Variants in GLIS3 observed in about 807,000 individuals in gnomAD.
GLIS3 encodes zinc finger protein GLIS3.
GLIS3 carries 53 observed loss-of-function variants against 78.6 expected under a neutral mutation model. The observed-to-expected ratio is 0.67, with a 90% CI of 0.54 to 0.85. GLIS3 has a LOEUF of 0.85. GLIS3 is among the 40% of genes least tolerant of loss of function. The probability of loss-of-function intolerance (pLI) is 0.00; values close to 1 mark genes in which losing one functional copy is unlikely to be tolerated. For missense variants in GLIS3, 1,703 were observed against 1,231.1 expected (o/e 1.38, Z -5.74); for synonymous variants, 684 against 509.9 (o/e 1.34, Z -4.60).
intron 2 of GLIS3, among the ~76,000 whole-genome samples, chr9:4,270,920 T>C (rs1826449010): frequency 9.7e-6 from 1 of 103,196 alleles, no homozygotes; most frequent in African/African-American, 3.6e-5. Context: ...TGTGTGTGTG[T>C]GTGTGTGTGT....
rs115218165 is a variant in GLIS3, at chr9:4,054,299, C to T, written c.1710+63469G>A. On this transcript the variant is annotated intron_variant, in intron 4 of 10. Transcript: ENST00000381971. ...AGCACAGACCAGAGCCTGCAAACAA[C>T]GTACTCTACAGATGTTTCCACAACT... is the stretch of plus-strand genomic sequence containing the variant. 1.4e-3 allele frequency: 1,389 copies of T among 979,694 alleles called. 9 individuals carry two copies. The African/African-American group carries it at 0.014, about 10-fold the overall frequency. 60.7% of individuals were successfully genotyped at this position (979,694 alleles called of 1,614,324 possible). A position where few individuals can be genotyped will look rare whatever the true frequency, so the allele number is the denominator to read the frequency against.
intron 4 of GLIS3, among the ~76,000 whole-genome samples, chr9:4,070,071 A>C (rs1032675367): frequency 6.6e-6 from 1 of 152,122 alleles, no homozygotes; most frequent in Non-Finnish European, 1.5e-5. Flanking sequence ...CTGTAATCAA[A>C]ATACTCAAGT....
At chr9:4,350,125 G>A (rs979802166), upstream of GLIS3, among the ~76,000 whole-genome samples, 1 of 152,230 alleles carries the variant, frequency 6.6e-6, no homozygotes, top group Non-Finnish European at 1.5e-5. Context: ...AGGCATAGGA[G>A]TTCCATCACC....
intron 7 of GLIS3, among the ~76,000 whole-genome samples, chr9:3,890,336 C>T (rs1040551484): frequency 6.6e-6 from 1 of 152,098 alleles, no homozygotes; most frequent in African/African-American, 2.4e-5. Flanking sequence ...TCCAGCCCTC[C>T]GCTTGACTTA....
At chr9:4,046,186 T>C (rs1356261856) in intron 4 of GLIS3, among the ~76,000 whole-genome samples, 1 of 152,184 alleles carries the variant, frequency 6.6e-6, no homozygotes, top group Non-Finnish European at 1.5e-5. Context: ...TTATAAACTG[T>C]TTTCAAAGTT....
the GLIS3 span, among the ~76,000 whole-genome samples, chr9:4,467,221 C>A: frequency 6.6e-6 from 1 of 152,174 alleles, no homozygotes; most frequent in Non-Finnish European, 1.5e-5. Context: ...AATAGCTGAA[C>A]AAAAGGTAGC....
chr9:4,080,279 G>C (rs1465928876), intron 4 of GLIS3, among the ~76,000 whole-genome samples: 1 of 152,136 alleles, frequency 6.6e-6, no homozygotes, highest in Admixed American at 6.5e-5. Flanking sequence ...TATTGTGCTA[G>C]GCACTAGAGA....
intron 4 of GLIS3, among the ~76,000 whole-genome samples, chr9:3,962,045 AAATAAT>A (rs1817591441): frequency 6.6e-6 from 1 of 152,042 alleles, no homozygotes; most frequent in Non-Finnish European, 1.5e-5. Flanking sequence ...TCTCTACAAA[AAATAAT>A]AATAATAAAA....
At chr9:4,288,284 T>C (rs910549688) in intron 1 of GLIS3, among the ~76,000 whole-genome samples, 1 of 152,132 alleles carries the variant, frequency 6.6e-6, no homozygotes, top group African/African-American at 2.4e-5. Context: ...CTGAGCACTC[T>C]GAACCCTGCA....
chr9:3,981,927 G>C (rs1386136821), intron 4 of GLIS3, among the ~76,000 whole-genome samples: 1 of 152,090 alleles, frequency 6.6e-6, no homozygotes. Flanking sequence ...CAGGCTCTAA[G>C]CTCCAGTGTA....
At chr9:3,987,859 C>T (rs1002658965) in intron 4 of GLIS3, among the ~76,000 whole-genome samples, 3 of 129,578 alleles carry the variant, frequency 2.3e-5, no homozygotes, top group African/African-American at 8.7e-5. Context: ...GGAAAATATA[C>T]ACTAAAACAC....
chr9:3,971,109 AGGAAGGATCGAAGGAAGGAAG>A (rs1818349645), intron 4 of GLIS3, among the ~76,000 whole-genome samples: 4 of 45,356 alleles, frequency 8.8e-5, no homozygotes, highest in Admixed American at 8.5e-4. Flanking sequence ...GAAGGAAGGA[AGGAAGGATCGAAGGAAGGAAG>A]GAAGGAAGGG....
the GLIS3 span, among the ~76,000 whole-genome samples, chr9:4,431,617 G>C: frequency 1.3e-5 from 2 of 152,170 alleles, no homozygotes; most frequent in Non-Finnish European, 2.9e-5. Context: ...GACCAAGGCA[G>C]GTGGATCACT....
At chr9:4,245,381 T>G (rs1823711243) in intron 2 of GLIS3, among the ~76,000 whole-genome samples, 1 of 152,222 alleles carries the variant, frequency 6.6e-6, no homozygotes, top group Non-Finnish European at 1.5e-5. Flanking sequence ...GGGTGCGAAC[T>G]CATCACTTTG....
At chr9:3,846,179 A>G (rs559703407) in intron 9 of GLIS3, among the ~76,000 whole-genome samples, 1 of 152,322 alleles carries the variant, frequency 6.6e-6, no homozygotes, top group South Asian at 2.1e-4. Context: ...TTAACCCTAT[A>G]AGGAACCGCA....
At chr9:3,891,063 C>A (rs1822397361) in intron 7 of GLIS3, among the ~76,000 whole-genome samples, 1 of 52,130 alleles carries the variant, frequency 1.9e-5, no homozygotes. Flanking sequence ...TTCCTTCCTT[C>A]CTCAAAAAAA....
At chr9:4,141,619 C>G (rs1412275659) in intron 2 of GLIS3, among the ~76,000 whole-genome samples, 1 of 152,192 alleles carries the variant, frequency 6.6e-6, no homozygotes, top group African/African-American at 2.4e-5. Flanking sequence ...ATCTTGGCAT[C>G]TGATTTGTTG....
At chr9:4,037,547 AACAC>A (rs56254712) in intron 4 of GLIS3, among the ~76,000 whole-genome samples, 1,474 of 147,102 alleles carry the variant, frequency 0.01, 10 homozygotes, top group Non-Finnish European at 0.015. Flanking sequence ...GTGTGCACAC[AACAC>A]ACACACACAC....
At chr9:4,267,708 A>T (rs571318627) in intron 2 of GLIS3, among the ~76,000 whole-genome samples, 1 of 152,190 alleles carries the variant, frequency 6.6e-6, no homozygotes, top group Non-Finnish European at 1.5e-5. Context: ...AAACAACGAT[A>T]AGAAGAAAGG....
Sources: gnomAD v4.1 joint callset for allele counts (sites outside exome capture counted in the v4.1 genomes callset) on GRCh38, gnomAD v4.1.1 for gene constraint, MANE v1.5 for transcripts, NCBI Gene and HGNC (gene_info 2026-07-23, HGNC 2026-07-21) for gene names.